Variants in JPH2 observed in about 807,000 individuals in gnomAD.
JPH2 encodes junctophilin-2.
A neutral mutation model predicts 55.9 loss-of-function variants in JPH2; 38 were observed. That is an observed-to-expected ratio of 0.68 (90% CI 0.52 to 0.89). JPH2 has a LOEUF of 0.89. Among genes scored for constraint, JPH2 ranks in the 40% least tolerant of loss-of-function variants. JPH2 has a pLI of 0.00. For missense variants in JPH2, 964 were observed against 1,037.6 expected (o/e 0.93, Z 0.97); for synonymous variants, 480 against 472.4 (o/e 1.02, Z -0.21).
chr20:44,114,669 G>T, intron 5 of JPH2, 113 bp downstream of exon 5: 1 of 758,818 alleles, frequency 1.3e-6, no homozygotes, highest in Non-Finnish European at 2.3e-6. Flanking sequence ...GCCTCAATTA[G>T]TCACAGGACT....
intron 1 of JPH2, among the ~76,000 whole-genome samples, chr20:44,174,266 C>G (rs1360425004): frequency 3.3e-5 from 5 of 152,126 alleles, no homozygotes; most frequent in Non-Finnish European, 7.3e-5. Flanking sequence ...AAGAACAGGT[C>G]CCTTGCCTCA....
rs1421430590 is a variant in JPH2 at position 44,118,640 on chromosome 20, G to T, written c.1170-17C>A. 3.1e-6 allele frequency: 5 copies of T among 1,590,604 alleles called. No individual in the cohort carries two copies. The highest frequency in any genetic ancestry group is 4.3e-6 in the Non-Finnish European group (5 of 1,165,836). On this transcript the variant is annotated splice_polypyrimidine_tract_variant and intron_variant, in intron 2 of 5. Transcript: ENST00000372980. The stretch of plus-strand genomic sequence containing the variant: ...TGGCTTGTCCTATGGAGACAATGTG[G>T]CAGAAGACTCAGGATCCTTCCAGAG...
chr20:44,162,908 G>A (rs188405963), intron 1 of JPH2, among the ~76,000 whole-genome samples: 2 of 150,704 alleles, frequency 1.3e-5, no homozygotes, highest in Admixed American at 1.3e-4. Context: ...CACATTGCGT[G>A]CCTTTATCAA....
At chr20:44,175,858 G>T (rs1173644683) in intron 1 of JPH2, among the ~76,000 whole-genome samples, 1 of 152,184 alleles carries the variant, frequency 6.6e-6, no homozygotes, top group African/African-American at 2.4e-5. Flanking sequence ...TGTGCAGAAG[G>T]CAAGAAAGGT....
At chr20:44,157,267 T>C (rs2072572569) in intron 2 of JPH2, among the ~76,000 whole-genome samples, 1 of 152,188 alleles carries the variant, frequency 6.6e-6, no homozygotes, top group Non-Finnish European at 1.5e-5. Context: ...TGAAGAGAGC[T>C]GTCCAGCCCT....
At chr20:44,129,901 C>T (rs1049773645) in intron 2 of JPH2, among the ~76,000 whole-genome samples, 4 of 152,044 alleles carry the variant, frequency 2.6e-5, no homozygotes, top group African/African-American at 9.7e-5. Flanking sequence ...GCCATAAGCT[C>T]AGGAATGCAG....
rs140267684 is a variant in JPH2 at position 44,152,564 on chromosome 20, C to T, written c.1169+7054G>A. On this transcript the variant is annotated intron_variant, in intron 2 of 5. Transcript: ENST00000372980. ...CATGTAAGGTACTTAAAATCATGCCCGGTTCCCAGAAATAAGGACTAGATG... is the reference window on the plus strand; with the variant it reads ...CATGTAAGGTACTTAAAATCATGCCTGGTTCCCAGAAATAAGGACTAGATG... 3.0e-3 allele frequency among the ~76,000 whole-genome samples: 456 copies of T among 152,202 alleles called. 4 individuals are homozygous for T. The highest frequency in any genetic ancestry group is 3.0e-3 in the Non-Finnish European group (206 of 68,002).
At chr20:44,183,802 G>A (rs1006156757) in intron 1 of JPH2, among the ~76,000 whole-genome samples, 5 of 152,110 alleles carry the variant, frequency 3.3e-5, no homozygotes, top group Admixed American at 1.3e-4. Context: ...ATTATCCTGC[G>A]TCAGAAAGAG....
intron 1 of JPH2, among the ~76,000 whole-genome samples, chr20:44,165,699 C>T (rs996101223): frequency 3.3e-5 from 5 of 152,160 alleles, no homozygotes; most frequent in East Asian, 1.9e-4. Flanking sequence ...ACTCTAGCCA[C>T]GAAGACTGCT....
At chr20:44,178,655 T>G (rs1039693098) in intron 1 of JPH2, among the ~76,000 whole-genome samples, 1 of 152,188 alleles carries the variant, frequency 6.6e-6, no homozygotes, top group Admixed American at 6.5e-5. Context: ...TTGCCCAGGC[T>G]GAAGAAGCTG....
intron 2 of JPH2, among the ~76,000 whole-genome samples, chr20:44,127,438 C>T (rs930543112): frequency 4.0e-5 from 6 of 151,686 alleles, no homozygotes; most frequent in South Asian, 2.1e-4. Flanking sequence ...TGGTAATACA[C>T]GAGAGTTCCA....
intron 2 of JPH2, among the ~76,000 whole-genome samples, chr20:44,138,009 C>CTTT (rs556691395): frequency 1.4e-5 from 2 of 140,796 alleles, no homozygotes; most frequent in Middle Eastern, 3.6e-3. Flanking sequence ...TTAAAAAGAC[C>CTTT]TTTTTTTTTT....
At chr20:44,167,744 G>A (rs528304916) in intron 1 of JPH2, among the ~76,000 whole-genome samples, 19 of 152,232 alleles carry the variant, frequency 1.2e-4, no homozygotes, top group Admixed American at 5.9e-4. Context: ...TTAAGCCTGC[G>A]GAGCCTCAGT....
At chr20:44,143,003 G>A (rs1355708639) in intron 2 of JPH2, among the ~76,000 whole-genome samples, 2 of 152,150 alleles carry the variant, frequency 1.3e-5, no homozygotes, top group Non-Finnish European at 2.9e-5. Flanking sequence ...CAGACTAGAA[G>A]GGAGCTCAGA....
At chr20:44,141,678 A>T (rs2072457818) in intron 2 of JPH2, among the ~76,000 whole-genome samples, 1 of 151,520 alleles carries the variant, frequency 6.6e-6, no homozygotes, top group Admixed American at 6.6e-5. Flanking sequence ...TTATTTTTTT[A>T]TTTTTATTTT....
intron 2 of JPH2, among the ~76,000 whole-genome samples, chr20:44,119,743 G>A (rs6031401): frequency 0.73 from 110,075 of 151,250 alleles, 40,337 homozygotes; most frequent in African/African-American, 0.8. Context: ...GCATGGTGGC[G>A]GGCGCCTGTA....
In JPH2 at chr20:44,160,583, A is replaced by G. The variant is rs116727890; in HGVS notation, c.380-176T>C. Among the ~76,000 whole-genome samples the G allele has an allele frequency of 3.6e-3, 548 of 152,310 alleles. 6 individuals carry two copies. Among genetic ancestry groups the G allele is most frequent in the East Asian group, 0.027 (138 of 5,164 alleles). ...GTGTTTGAGTCTACTCGAGTGTGCA[A>G]TAACACGAGTGGGTGAGCCAGGAGG... On this transcript the variant is annotated intron_variant, in intron 1 of 5. Transcript: ENST00000372980. The surrounding 1 kb of genome is among the most constrained non-coding windows in gnomAD (Gnocchi z 4.9).
chr20:44,115,513 A>G, intron 4 of JPH2, 152 bp downstream of exon 4: 1 of 1,099,180 alleles, frequency 9.1e-7, no homozygotes, highest in Non-Finnish European at 1.3e-6. Context: ...ATGCTCCCCT[A>G]ATCCCCAGCC....
At chr20:44,182,069 A>C (rs1254440908) in intron 1 of JPH2, among the ~76,000 whole-genome samples, 1 of 152,192 alleles carries the variant, frequency 6.6e-6, no homozygotes, top group Non-Finnish European at 1.5e-5. Context: ...GTCTTTTGAG[A>C]GATTAGGATA....
Sources: allele counts gnomAD v4.1 joint callset (sites outside exome capture counted in the v4.1 genomes callset), GRCh38; gene constraint gnomAD v4.1.1; non-coding constraint Gnocchi (gnomAD v3.1); transcripts MANE v1.5; gene names NCBI Gene and HGNC (gene_info 2026-07-23, HGNC 2026-07-21).